SGCZ: variants seen among roughly 807,000 people sequenced by gnomAD.
The protein encoded by SGCZ is sarcoglycan zeta, also known as zeta-sarcoglycan.
SGCZ carries 40 observed loss-of-function variants against 41.3 expected under a neutral mutation model. That is an observed-to-expected ratio of 0.97 (90% CI 0.75 to 1.26). The LOEUF (loss-of-function observed/expected upper bound fraction) is 1.26. Ranked by LOEUF, SGCZ falls within the 50% of genes most tolerant of loss-of-function variation. The pLI is 0.00. For missense variants in SGCZ, 552 were observed against 369.8 expected, an observed-to-expected ratio of 1.49 and a Z score of -4.04; for synonymous variants, 206 against 137.5, an observed-to-expected ratio of 1.50 and a Z score of -3.49.
intron 1 of SGCZ, among the ~76,000 whole-genome samples, chr8:14,723,315 G>C (rs774580268): frequency 6.6e-6 from 1 of 152,238 alleles, no homozygotes; most frequent in African/African-American, 2.4e-5. Context: ...ACCAGGGCTT[G>C]TTCCTGGCCC....
intron 1 of SGCZ, among the ~76,000 whole-genome samples, chr8:14,564,475 T>A (rs1340454031): frequency 1.3e-5 from 2 of 152,178 alleles, no homozygotes; most frequent in Non-Finnish European, 2.9e-5. Flanking sequence ...TTAGCCTCTC[T>A]CTGTCCCAGT....
At chr8:14,399,641 C>A (rs1037040492) in intron 2 of SGCZ, among the ~76,000 whole-genome samples, 3 of 151,950 alleles carry the variant, frequency 2.0e-5, no homozygotes, top group South Asian at 4.1e-4. Flanking sequence ...CTTTATTCAA[C>A]TGTATAATGA....
At chr8:14,609,826 G>GA (rs200730337) in intron 1 of SGCZ, among the ~76,000 whole-genome samples, 24 of 150,398 alleles carry the variant, frequency 1.6e-4, no homozygotes, top group African/African-American at 2.2e-4. Flanking sequence ...TTCAGAAGGA[G>GA]AAAAAAAAAC....
chr8:14,711,316 G>C (rs58398021), intron 1 of SGCZ, among the ~76,000 whole-genome samples: 1 of 151,434 alleles, frequency 6.6e-6, no homozygotes, highest in Non-Finnish European at 1.5e-5. Flanking sequence ...TTGGCCAGGC[G>C]CTGTGTCTCA....
chr8:15,213,944 G>A (rs988086391), intron 1 of SGCZ, among the ~76,000 whole-genome samples: 6 of 151,852 alleles, frequency 4.0e-5, no homozygotes, highest in Admixed American at 2.6e-4. Flanking sequence ...CTTATTTTGG[G>A]GTTCAGCTGT....
intron 3 of SGCZ, among the ~76,000 whole-genome samples, chr8:14,276,406 C>T (rs1196868278): frequency 6.6e-6 from 1 of 152,128 alleles, no homozygotes; most frequent in South Asian, 2.1e-4. Context: ...GGTTTCATTG[C>T]ATGACTGAAG....
intron 5 of SGCZ, among the ~76,000 whole-genome samples, chr8:14,132,815 C>G (rs1341663311): frequency 6.6e-6 from 1 of 152,182 alleles, no homozygotes; most frequent in Admixed American, 6.5e-5. Flanking sequence ...ATTCTGCCAC[C>G]TTTTGCGAAT....
chr8:14,916,437 A>G (rs1799441208), intron 1 of SGCZ, among the ~76,000 whole-genome samples: 1 of 152,210 alleles, frequency 6.6e-6, no homozygotes, highest in African/African-American at 2.4e-5. Flanking sequence ...GAAAAGTAAG[A>G]TCAGATAGCA....
intron 1 of SGCZ, among the ~76,000 whole-genome samples, chr8:14,845,803 T>G (rs1803080651): frequency 6.6e-6 from 1 of 152,166 alleles, no homozygotes; most frequent in South Asian, 2.1e-4. Context: ...AAAAAGAAAC[T>G]ACCAGATTAC....
At chr8:14,763,088 GT>G (rs1363423286) in intron 1 of SGCZ, among the ~76,000 whole-genome samples, 2 of 152,100 alleles carry the variant, frequency 1.3e-5, no homozygotes, top group African/African-American at 4.8e-5. Context: ...TTAAAAATTT[GT>G]TTGTTGCTGG....
rs1802187742 is a variant in SGCZ, at chr8:15,237,740, C to G, written c.-117G>C. On this transcript the variant is annotated 5_prime_UTR_variant, in exon 1 of 8. Transcript: ENST00000382080. ...CCTCCTCCAAGCCCCGGCAGCTCCT[C>G]TCAGTCTCATTCTCCGTGGTCACGC... 9.4e-7 allele frequency: 1 copy of G among 1,063,510 alleles called. No homozygotes were observed. The highest frequency in any genetic ancestry group is 2.6e-5 in the East Asian group (1 of 37,996). The allele number at this position is 1,063,510 out of a possible 1,614,324, so 65.9% of individuals were successfully genotyped here. A position where few individuals can be genotyped will look rare whatever the true frequency, so the allele number is the denominator to read the frequency against.
At chr8:14,889,051 C>T (rs913414564) in intron 1 of SGCZ, among the ~76,000 whole-genome samples, 5 of 152,148 alleles carry the variant, frequency 3.3e-5, no homozygotes, top group African/African-American at 1.2e-4. Context: ...CTTTCCTTCA[C>T]CCCAATAACT....
chr8:14,298,152 T>C (rs541406249), intron 3 of SGCZ, among the ~76,000 whole-genome samples: 3 of 152,064 alleles, frequency 2.0e-5, no homozygotes, highest in Admixed American at 6.6e-5. Context: ...TGACAAAATT[T>C]AAAACACATT....
chr8:15,111,202 G>A (rs1216596801), intron 1 of SGCZ, among the ~76,000 whole-genome samples: 6 of 152,058 alleles, frequency 3.9e-5, no homozygotes, highest in African/African-American at 1.4e-4. Flanking sequence ...GGTTCTGGTG[G>A]CAGGTAACCC....
At chr8:14,365,273 C>T (rs2117144552) in intron 2 of SGCZ, among the ~76,000 whole-genome samples, 1 of 152,142 alleles carries the variant, frequency 6.6e-6, no homozygotes, top group Middle Eastern at 3.4e-3. Flanking sequence ...TTAGTTCCTT[C>T]TGTTCCACTT....
intron 1 of SGCZ, 92 bp downstream of exon 1, chr8:15,237,493 T>C (rs1447592957): frequency 1.1e-5 from 16 of 1,458,760 alleles, no homozygotes; most frequent in Non-Finnish European, 1.2e-5. Context: ...GACCACCAAC[T>C]ACTCCGCGCC....
intron 2 of SGCZ, among the ~76,000 whole-genome samples, chr8:14,444,597 G>T (rs1800376184): frequency 6.7e-6 from 1 of 149,198 alleles, no homozygotes; most frequent in Non-Finnish European, 1.5e-5. Flanking sequence ...TCACTCACAG[G>T]TGGGAATTGA....
At chr8:14,221,891 G>A (rs1312473981) in intron 4 of SGCZ, among the ~76,000 whole-genome samples, 2 of 151,798 alleles carry the variant, frequency 1.3e-5, no homozygotes, top group African/African-American at 2.4e-5. Flanking sequence ...AACCCGGGAG[G>A]TGGAGGTTGC....
At chr8:15,160,119 A>G (rs543602504) in intron 1 of SGCZ, among the ~76,000 whole-genome samples, 31 of 152,250 alleles carry the variant, frequency 2.0e-4, no homozygotes, top group Admixed American at 1.8e-3. Context: ...ACCAGTCTCC[A>G]AAACGATTTT....
Sources: gnomAD v4.1 joint callset for allele counts (sites outside exome capture counted in the v4.1 genomes callset) on GRCh38, gnomAD v4.1.1 for gene constraint, MANE v1.5 for transcripts, NCBI Gene and HGNC (gene_info 2026-07-23, HGNC 2026-07-21) for gene names.